The following PALLD variants were observed in gnomAD, a reference collection of about 807,000 sequenced individuals.
PALLD encodes palladin.
Under a neutral mutation model 123.5 loss-of-function variants are expected in PALLD, and 61 were observed. The observed-to-expected ratio is 0.49, with a 90% CI of 0.40 to 0.61. PALLD has a LOEUF of 0.61. Among genes scored for constraint, PALLD ranks in the 20% least tolerant of loss-of-function variants. The pLI, the probability that PALLD is intolerant of heterozygous loss-of-function variation, is 0.00. For missense variants in PALLD, 1,273 were observed against 1,377.0 expected (o/e 0.92, Z 1.20); for synonymous variants, 465 against 496.4 (o/e 0.94, Z 0.84).
chr4:168,625,502 G>GATAGATATAT, intron 2 of PALLD, among the ~76,000 whole-genome samples: 17 of 114,430 alleles, frequency 1.5e-4, no homozygotes, highest in African/African-American at 3.3e-4. Flanking sequence ...ATATCCAGGA[G>GATAGATATAT]ATATATATAT....
intron 2 of PALLD, among the ~76,000 whole-genome samples, chr4:168,601,954 C>T (rs1180705158): frequency 1.3e-5 from 2 of 152,120 alleles, no homozygotes; most frequent in Non-Finnish European, 2.9e-5. Flanking sequence ...CTTCTAAGGG[C>T]CAACTTCCAG....
intron 3 of PALLD, among the ~76,000 whole-genome samples, chr4:168,669,708 A>G (rs563447804): frequency 2.0e-5 from 3 of 152,346 alleles, no homozygotes; most frequent in African/African-American, 7.2e-5. Context: ...GGTAGAAAAC[A>G]TCTTGGAGTG....
intron 10 of PALLD, among the ~76,000 whole-genome samples, chr4:168,816,411 ATATT>A (rs1335621134): frequency 9.7e-5 from 11 of 113,714 alleles, no homozygotes; most frequent in Admixed American, 2.5e-4. Flanking sequence ...ATATATATAT[ATATT>A]TTTTTTAAGT....
At chr4:168,823,367 T>G (rs748668774) in intron 10 of PALLD, among the ~76,000 whole-genome samples, 12 of 152,150 alleles carry the variant, frequency 7.9e-5, no homozygotes, top group African/African-American at 2.7e-4. Flanking sequence ...CTCTGAACAA[T>G]GAGCAGCTCA....
At chr4:168,799,461 T>A (rs1180261510) in intron 10 of PALLD, among the ~76,000 whole-genome samples, 2 of 152,184 alleles carry the variant, frequency 1.3e-5, no homozygotes, top group African/African-American at 4.8e-5. Context: ...GTACTGTTCC[T>A]ACTCACCTTG....
rs931635152 is a variant in PALLD at position 168,689,959 on chromosome 4, G to A, written c.1336-644G>A. 4.6e-5 allele frequency among the ~76,000 whole-genome samples: 7 copies of A among 152,276 alleles called. 1 individual carries two copies. Among genetic ancestry groups the A allele is most frequent in the Admixed American group, 1.3e-4 (2 of 15,302 alleles). ...TCTGTTGGATTGTAAAGATTTATTG[G>A]TCTGGAGTTGGAGTGCGGTGAGGGA... On this transcript the variant is annotated intron_variant, in intron 6 of 21. Transcript: ENST00000505667.
chr4:168,777,256 T>C (rs965824698), intron 10 of PALLD, among the ~76,000 whole-genome samples: 1 of 152,088 alleles, frequency 6.6e-6, no homozygotes, highest in African/African-American at 2.4e-5. Context: ...CAGTGAAAAC[T>C]GGGAAAGAGG....
chr4:168,606,860 C>A (rs573391989), intron 2 of PALLD, among the ~76,000 whole-genome samples: 109 of 152,270 alleles, frequency 7.2e-4, no homozygotes, highest in Non-Finnish European at 1.3e-3. Context: ...GCAAAACCCA[C>A]ATGGCCCCTA....
At position 168,623,553 on chromosome 4, in the gene PALLD, TG is replaced by T. The variant is rs147350475; in HGVS notation, c.909-44634del. 1.1e-3 allele frequency among the ~76,000 whole-genome samples: 173 copies of T among 152,258 alleles called. 3 individuals carry two copies. In the East Asian group the frequency reaches 0.033, roughly 29 times the overall value. Reference sequence around the variant, plus strand: ...GTTTAGCAATCACAGATGCAGGGACTGGGTAGGTGAGGATGGAGGCGGCGAA... The same window carrying T: ...GTTTAGCAATCACAGATGCAGGGACTGGTAGGTGAGGATGGAGGCGGCGAA... On this transcript the variant is annotated intron_variant, in intron 2 of 21. Transcript: ENST00000505667.
rs1771787622 is a variant in PALLD at position 168,594,533 on chromosome 4, G to GA, written c.909-73654dup. On this transcript the variant is annotated intron_variant, in intron 2 of 21. Coordinates refer to ENST00000505667, the MANE Select transcript of PALLD (RefSeq NM_001166108.2). ...TTCAGAACCTTGTATAGAGCTTAAT[G>GA]AAACCGGTATAGTGAAAGAGCATCA... is the stretch of plus-strand genomic sequence containing the variant. Among the ~76,000 whole-genome samples, 4 of 152,238 alleles carry GA rather than the reference G, an allele frequency of 2.6e-5. No individual in the cohort carries two copies. The South Asian group carries it at 8.3e-4, about 32-fold the overall frequency.
chr4:168,555,487 G>C (rs928340490), intron 2 of PALLD, among the ~76,000 whole-genome samples: 1 of 152,174 alleles, frequency 6.6e-6, no homozygotes, highest in African/African-American at 2.4e-5. Flanking sequence ...GACCCGCTTT[G>C]CTGAGAAAAC....
intron 10 of PALLD, among the ~76,000 whole-genome samples, chr4:168,795,334 A>G (rs922486694): frequency 2.5e-4 from 38 of 152,368 alleles, no homozygotes; most frequent in African/African-American, 8.2e-4. Flanking sequence ...GCAATTTGAA[A>G]ATGAAATCGA....
rs572388696 is a variant in PALLD, at chr4:168,768,875, T to C, written c.1964+56952T>C. On this transcript the variant is annotated intron_variant, in intron 10 of 21. Transcript: ENST00000505667. ...TTTAGTAGAGATGGGATTTCACCAT[T>C]TGGCTGGCAGTGATGCCATCTCAGC... Among the ~76,000 whole-genome samples, 60 of 137,282 alleles carry C rather than the reference T, an allele frequency of 4.4e-4. 1 individual carries two copies. Among genetic ancestry groups the C allele is most frequent in the African/African-American group, 1.6e-3 (58 of 36,126 alleles). The allele number at this position is 137,282 out of a possible 152,430, so 90.1% of individuals were successfully genotyped here.
chr4:168,834,663 G>A (rs912499062), intron 10 of PALLD, among the ~76,000 whole-genome samples: 6 of 152,046 alleles, frequency 3.9e-5, no homozygotes, highest in African/African-American at 1.4e-4. Flanking sequence ...CTTGAACCCA[G>A]CAGGTGGAAG....
intron 10 of PALLD, among the ~76,000 whole-genome samples, chr4:168,845,753 T>C (rs988664409): frequency 7.2e-5 from 11 of 152,190 alleles, no homozygotes; most frequent in African/African-American, 1.2e-4. Context: ...GGAAGACTTA[T>C]ACATACAAAG....
At chr4:168,570,563 A>G (rs908792286) in intron 2 of PALLD, among the ~76,000 whole-genome samples, 4 of 152,188 alleles carry the variant, frequency 2.6e-5, no homozygotes, top group Admixed American at 2.6e-4. Flanking sequence ...TAAATTGCCA[A>G]TTGCACTTTT....
intron 10 of PALLD, among the ~76,000 whole-genome samples, chr4:168,887,400 C>T (rs762615073): frequency 2.0e-5 from 3 of 152,154 alleles, no homozygotes; most frequent in East Asian, 3.9e-4. Context: ...ACCAGTTCTC[C>T]GCTCCTCCGA....
At chr4:168,499,279 G>A (rs958076247) in intron 1 of PALLD, among the ~76,000 whole-genome samples, 7 of 64,440 alleles carry the variant, frequency 1.1e-4, no homozygotes, top group Middle Eastern at 7.5e-3. Flanking sequence ...AGGATGGGAG[G>A]GAGGATGGGA....
intron 2 of PALLD, among the ~76,000 whole-genome samples, chr4:168,606,922 C>T (rs1278949096): frequency 6.6e-6 from 1 of 152,180 alleles, no homozygotes; most frequent in Non-Finnish European, 1.5e-5. Flanking sequence ...GAGATTTTCT[C>T]TTGCTCATAA....
Sources: gnomAD v4.1 joint callset for allele counts (sites outside exome capture counted in the v4.1 genomes callset) on GRCh38, gnomAD v4.1.1 for gene constraint, MANE v1.5 for transcripts, NCBI Gene and HGNC (gene_info 2026-07-23, HGNC 2026-07-21) for gene names.